RGL3: variants seen among roughly 807,000 people sequenced by gnomAD.
The protein encoded by RGL3 is ral guanine nucleotide dissociation stimulator like 3.
RGL3 carries 85 observed loss-of-function variants against 90.6 expected under a neutral mutation model. That is an observed-to-expected ratio of 0.94 (90% CI 0.79 to 1.12). The LOEUF (loss-of-function observed/expected upper bound fraction) is 1.12. RGL3 is among the 50% of genes most tolerant of loss of function. The pLI is 0.00. For missense variants in RGL3, 1,034 were observed against 939.2 expected, an observed-to-expected ratio of 1.10 and a Z score of -1.32; for synonymous variants, 408 against 385.5, an observed-to-expected ratio of 1.06 and a Z score of -0.68.
chr19:11,402,419 G>A (rs1968695378), intron 11 of RGL3, 36 bp downstream of exon 11: 2 of 1,586,496 alleles, frequency 1.3e-6, no homozygotes, highest in Non-Finnish European at 1.7e-6. Context: ...GGGGCAAGTG[G>A]AGCTGGGGTC....
chr19:11,401,260 C>G (rs1968670476), intron 13 of RGL3, among the ~76,000 whole-genome samples: 1 of 148,944 alleles, frequency 6.7e-6, no homozygotes, highest in African/African-American at 2.5e-5. Context: ...CAGGGTCTCA[C>G]TCTGTCACCT....
intron 9 of RGL3, among the ~76,000 whole-genome samples, chr19:11,403,554 C>T (rs551864443): frequency 1.2e-3 from 172 of 149,388 alleles, no homozygotes; most frequent in Non-Finnish European, 2.2e-3. Context: ...GCAGAAGAAT[C>T]GCTTGAACCC....
In RGL3 at chr19:11,400,650, G is replaced by A. The variant is rs543657275; in HGVS notation, c.1485-353C>T. Among the ~76,000 whole-genome samples, 27 of 151,942 alleles carry A rather than the reference G, an allele frequency of 1.8e-4. No individual in the cohort carries two copies. The South Asian group carries it at 4.8e-3, about 27-fold the overall frequency. On this transcript the variant is annotated intron_variant, in intron 13 of 18. Coordinates refer to ENST00000380456, the MANE Select transcript of RGL3 (RefSeq NM_001035223.4). ...GAGGATTGCTTCGGGTCAAGAGTTC[G>A]AAACCAGCCTGGCCAATATAGTGAA...
chr19:11,408,363 CCT>C, intron 5 of RGL3, among the ~76,000 whole-genome samples: 2 of 152,064 alleles, frequency 1.3e-5, no homozygotes, highest in East Asian at 3.9e-4. Context: ...GGGTGGATCA[CCT>C]GAGGTCAGGA....
intron 1 of RGL3, 30 bp downstream of exon 1, chr19:11,419,216 G>A: frequency 6.3e-7 from 1 of 1,585,070 alleles, no homozygotes; most frequent in Non-Finnish European, 8.6e-7. Flanking sequence ...CACCAGGGAT[G>A]CGGGGTCCGG....
intron 13 of RGL3, among the ~76,000 whole-genome samples, chr19:11,400,687 A>G (rs1968659671): frequency 6.6e-6 from 1 of 151,812 alleles, no homozygotes; most frequent in Non-Finnish European, 1.5e-5. Flanking sequence ...CCCCGTCTCT[A>G]CTAAAAATAC....
chr19:11,405,549 G>A, intron 7 of RGL3, 123 bp from the exon 8 acceptor site: 1 of 742,042 alleles, frequency 1.3e-6, no homozygotes, highest in South Asian at 2.1e-5. Context: ...TGAGAGATAG[G>A]GTCTGTGGCC....
In RGL3 at chr19:11,394,524, G is replaced by A. The variant is rs773682448; in HGVS notation, c.2015-4C>T. Reference sequence around the variant, plus strand: ...GCATTGTCAGGAATCAGGAGCACTGGTCAGGAGTGGAGATGGTGGTAATAG... The same window carrying A: ...GCATTGTCAGGAATCAGGAGCACTGATCAGGAGTGGAGATGGTGGTAATAG... On this transcript the variant is annotated splice_region_variant and splice_polypyrimidine_tract_variant and intron_variant, in intron 18 of 18. Coordinates refer to ENST00000380456, the MANE Select transcript of RGL3 (RefSeq NM_001035223.4). 1.7e-5 allele frequency: 28 copies of A among 1,606,876 alleles called. No homozygotes were observed. Among genetic ancestry groups the A allele is most frequent in the Non-Finnish European group, 2.1e-5 (25 of 1,173,644 alleles).
At chr19:11,396,438 G>A (rs1163986727) in intron 18 of RGL3, among the ~76,000 whole-genome samples, 7 of 151,174 alleles carry the variant, frequency 4.6e-5, no homozygotes, top group Non-Finnish European at 8.8e-5. Flanking sequence ...CCAAAGTGCC[G>A]GGATTACAGG....
intron 9 of RGL3, among the ~76,000 whole-genome samples, chr19:11,404,127 C>T (rs1968728043): frequency 6.6e-6 from 1 of 152,186 alleles, no homozygotes; most frequent in East Asian, 1.9e-4. Flanking sequence ...AAGTGATCCT[C>T]TCACCTTGGC....
rs866627643 is a variant in RGL3, at chr19:11,395,922, C to T, written c.2014+1322G>A. On this transcript the variant is annotated intron_variant, in intron 18 of 18. Transcript: ENST00000380456. Reference sequence around the variant, plus strand: ...GATTACAGGCGTGAGCCACCATGCCCGGCCCCCTTTTTTTTTTTTAATTGA... The same window carrying T: ...GATTACAGGCGTGAGCCACCATGCCTGGCCCCCTTTTTTTTTTTTAATTGA... Among the ~76,000 whole-genome samples the T allele has an allele frequency of 2.2e-4, 32 of 147,252 alleles. No homozygotes were observed. The South Asian group carries it at 5.1e-3, about 24-fold the overall frequency.
intron 16 of RGL3, among the ~76,000 whole-genome samples, chr19:11,399,629 A>C (rs1374025971): frequency 1.3e-5 from 2 of 152,126 alleles, no homozygotes; most frequent in African/African-American, 4.8e-5. Flanking sequence ...AAGCAGTTAC[A>C]CAGGTCCAAA....
At chr19:11,399,253 C>T (rs1968629690) in intron 16 of RGL3, among the ~76,000 whole-genome samples, 1 of 152,106 alleles carries the variant, frequency 6.6e-6, no homozygotes, top group Non-Finnish European at 1.5e-5. Flanking sequence ...TATGCAGATT[C>T]TTAGGGACAT....
rs1453008204 is a variant in RGL3, at chr19:11,397,439, C to T, written c.1899+6G>A. ...CCTCCAGCAGACCCCCAGCCCAGCC[C>T]CTCACCAAGATGCTTCGATACAGGT... On this transcript the variant is annotated splice_donor_region_variant and intron_variant, in intron 17 of 18. Transcript: ENST00000380456. 1.2e-5 allele frequency: 19 copies of T among 1,601,368 alleles called. No homozygotes were observed. The highest frequency in any genetic ancestry group is 1.6e-5 in the Non-Finnish European group (19 of 1,171,988).
rs1968569094 is a variant in RGL3 at position 11,396,172 on chromosome 19, T to A, written c.2014+1072A>T. Among the ~76,000 whole-genome samples, 4 of 96,036 alleles carry A rather than the reference T, an allele frequency of 4.2e-5. 1 individual carries two copies. Among genetic ancestry groups the A allele is most frequent in the African/African-American group, 1.6e-4 (4 of 25,648 alleles). 63.0% of individuals were successfully genotyped at this position (96,036 alleles called of 152,430 possible). ...TATATATATATATTTTTTTTTTTTT[T>A]TTTTTTTTTTTTTTGAGACAGAGTC... On this transcript the variant is annotated intron_variant, in intron 18 of 18. Transcript: ENST00000380456.
In RGL3 at chr19:11,406,788, A is replaced by G. The variant is rs1968791058; in HGVS notation, c.714T>C (p.Pro238=). Reference sequence around the variant, plus strand: ...TGAAGTCCAGGAGCTGGGGACCTTGAGGCATGAGCCCTTCCTCTTCCTCCG... The same window carrying G: ...TGAAGTCCAGGAGCTGGGGACCTTGGGGCATGAGCCCTTCCTCTTCCTCCG... The part of the protein sequence containing the change: ...ACAEEEEGLM[P]QGPQLLDFSV... Residue 238 remains proline, a synonymous_variant, in exon 6 of 19, where the codon CCT becomes CCC. Transcript: ENST00000380456. 6.2e-7 allele frequency: 1 copy of G among 1,613,870 alleles called. No homozygotes were observed.
chr19:11,414,153 A>ATATATATATATATATATACACC (rs1968921583), intron 5 of RGL3, among the ~76,000 whole-genome samples: 8 of 85,006 alleles, frequency 9.4e-5, no homozygotes, highest in Non-Finnish European at 1.8e-4. Context: ...ATATATATAT[A>ATATATATATATATATATACACC]TATATATATA....
At chr19:11,407,752 T>C (rs1968808194) in intron 5 of RGL3, among the ~76,000 whole-genome samples, 1 of 151,410 alleles carries the variant, frequency 6.6e-6, no homozygotes. Flanking sequence ...AATGGCGTGA[T>C]CTTGGCTCAC....
At position 11,400,243 on chromosome 19, in the gene RGL3, T is replaced by G. The variant is rs1407169699; in HGVS notation, c.1539A>C (p.Pro513=). 6.3e-7 allele frequency: 1 copy of G among 1,594,246 alleles called. No individual in the cohort carries two copies. Among genetic ancestry groups the G allele is most frequent in the Non-Finnish European group, 8.5e-7 (1 of 1,169,984 alleles). Residue 513 remains proline, a synonymous_variant, in exon 14 of 19, where the codon CCA becomes CCC. Transcript: ENST00000380456. ...EPPAASCPSS[P]RIRRRISLTK... ...TGAGGCTGATCCGCCGTCGGATGCG[T>G]GGGGAGCTGGGGCAGGAGGCAGCTG... is the stretch of plus-strand genomic sequence containing the variant.
Sources: gnomAD v4.1 joint callset for allele counts (sites outside exome capture counted in the v4.1 genomes callset) on GRCh38, gnomAD v4.1.1 for gene constraint, MANE v1.5 for transcripts, NCBI Gene and HGNC (gene_info 2026-07-23, HGNC 2026-07-21) for gene names.